The following MAP3K13 variants were observed in gnomAD, a reference collection of about 807,000 sequenced individuals.
MAP3K13 encodes the protein mitogen-activated protein kinase kinase kinase 13, also known as leucine zipper-bearing kinase.
Under a neutral mutation model 104.0 loss-of-function variants are expected in MAP3K13, and 52 were observed. The observed-to-expected ratio is 0.50, with a 90% CI of 0.40 to 0.63. The LOEUF (loss-of-function observed/expected upper bound fraction) is 0.63. Ranked by LOEUF, MAP3K13 falls within the 20% of genes least tolerant of loss-of-function variation. The probability of loss-of-function intolerance (pLI) is 0.00; values close to 1 mark genes in which losing one functional copy is unlikely to be tolerated. For missense variants in MAP3K13, 914 were observed against 1,218.5 expected, an observed-to-expected ratio of 0.75 and a Z score of 3.72; for synonymous variants, 394 against 442.2, an observed-to-expected ratio of 0.89 and a Z score of 1.37.
upstream of MAP3K13, among the ~76,000 whole-genome samples, chr3:185,362,681 C>T (rs1432914373): frequency 6.6e-6 from 1 of 152,078 alleles, no homozygotes; most frequent in Non-Finnish European, 1.5e-5. Flanking sequence ...TTTTACAAGT[C>T]GTGGTGAGCA....
At position 185,423,552 on chromosome 3, in the gene MAP3K13, A is replaced by G. The variant is rs1416832478; in HGVS notation, c.-85-4945A>G. Among the ~76,000 whole-genome samples, 3 of 152,174 alleles carry G rather than the reference A, an allele frequency of 2.0e-5. No individual in the cohort carries two copies. The highest frequency in any genetic ancestry group is 4.4e-5 in the Non-Finnish European group (3 of 68,028). The stretch of plus-strand genomic sequence containing the variant: ...AAAAGAACAGGGGAGGGGAGGCTGG[A>G]GTGGGTGGAATGGTGTCTGTAACAA... On this transcript the variant is annotated intron_variant, in intron 1 of 13. Transcript: ENST00000265026. The surrounding 1 kb of genome is among the most constrained non-coding windows in gnomAD (Gnocchi z 4.1).
Position 185,455,309 on chromosome 3 carries a change from AGATATATATGAGATATATAT to A in MAP3K13, c.1278+3944_1278+3963del, listed in dbSNP as rs1560119064. Among the ~76,000 whole-genome samples the A allele has an allele frequency of 1.7e-4, 19 of 111,362 alleles. 5 individuals are homozygous for A. The highest frequency in any genetic ancestry group is 4.6e-4 in the African/African-American group (14 of 30,694). The allele number at this position is 111,362 out of a possible 152,430, so 73.1% of individuals were successfully genotyped here. ...GAGATATATATATGAGATATATATG[AGATATATATGAGATATATAT>A]GATATATATGAGATATATATGATAT... is the stretch of plus-strand genomic sequence containing the variant. On this transcript the variant is annotated intron_variant, in intron 7 of 13. Coordinates refer to ENST00000265026, the MANE Select transcript of MAP3K13 (RefSeq NM_004721.5).
chr3:185,423,352 G>A lies in MAP3K13; in HGVS notation c.-85-5145G>A, dbSNP rs1714242518. On this transcript the variant is annotated intron_variant, in intron 1 of 13. Transcript: ENST00000265026. This position sits in a 1 kb window ranked among gnomAD's most constrained non-coding sequence, Gnocchi z 4.1. ...TCCTGGCAGCCAAGGCAGACCGGAAGTAACTGCTGAGTCACTGGCTAGGTC... is the reference window on the plus strand; with the variant it reads ...TCCTGGCAGCCAAGGCAGACCGGAAATAACTGCTGAGTCACTGGCTAGGTC... 6.6e-6 allele frequency among the ~76,000 whole-genome samples: 1 copy of A among 152,196 alleles called. No homozygotes were observed. The highest frequency in any genetic ancestry group is 2.4e-5 in the African/African-American group (1 of 41,448).
chr3:185,389,259 C>G (rs1711890768), intron 1 of MAP3K13, among the ~76,000 whole-genome samples: 1 of 152,130 alleles, frequency 6.6e-6, no homozygotes, highest in African/African-American at 2.4e-5. Flanking sequence ...AAAGGGGTTA[C>G]AAGTTTGGCC....
At chr3:185,356,130 AC>A (rs1723341651) in intron 2 of MAP3K13, among the ~76,000 whole-genome samples, 1 of 152,182 alleles carries the variant, frequency 6.6e-6, no homozygotes, top group Admixed American at 6.5e-5. Context: ...AAAATGTCGA[AC>A]TTTTGATGGT....
Position 185,403,536 on chromosome 3 carries a change from T to C in MAP3K13, c.-85-24961T>C, listed in dbSNP as rs528894569. ...AATTCAAAAAGATATGGTGAGGTGATGGATATGCTAATTAACTTGATTGTG... is the reference window on the plus strand; with the variant it reads ...AATTCAAAAAGATATGGTGAGGTGACGGATATGCTAATTAACTTGATTGTG... On this transcript the variant is annotated intron_variant, in intron 1 of 13. Transcript: ENST00000265026. 6.6e-5 allele frequency among the ~76,000 whole-genome samples: 10 copies of C among 152,358 alleles called. 1 individual carries two copies. The South Asian group carries it at 1.9e-3, about 28-fold the overall frequency.
In MAP3K13 at chr3:185,315,080, G is replaced by A. The variant is rs1175555090; in HGVS notation, c.-86+29437G>A. Among the ~76,000 whole-genome samples the A allele has an allele frequency of 6.6e-6, 1 of 152,054 alleles. No homozygotes were observed. Among genetic ancestry groups the A allele is most frequent in the Admixed American group, 6.6e-5 (1 of 15,256 alleles). On this transcript the variant is annotated intron_variant, in intron 2 of 14. Coordinates refer to the MAP3K13 transcript ENST00000424227. The surrounding 1 kb of genome is among the most constrained non-coding windows in gnomAD (Gnocchi z 4.3). ...AGCCTGACCAACAAGGTGAAACCCA[G>A]TCTCTAAGAATACAAAAAAATTAGC...
At position 185,442,822 on chromosome 3, in the gene MAP3K13, C is replaced by T. The variant is rs575693138; in HGVS notation, c.660-623C>T. ...TGTTGGGATTACAAGCGTGAGCCAC[C>T]GCGGCCTGGCCAAATTATTATTATT... On this transcript the variant is annotated intron_variant, in intron 3 of 13. Coordinates refer to ENST00000265026, the MANE Select transcript of MAP3K13 (RefSeq NM_004721.5). Among the ~76,000 whole-genome samples, 16 of 151,794 alleles carry T rather than the reference C, an allele frequency of 1.1e-4. No homozygotes were observed. In the South Asian group the frequency reaches 2.3e-3, roughly 22 times the overall value.
chr3:185,305,061 A>T (rs1273188807), intron 2 of MAP3K13, among the ~76,000 whole-genome samples: 2 of 152,192 alleles, frequency 1.3e-5, no homozygotes, highest in Admixed American at 6.5e-5. Flanking sequence ...TTTCTTTAAA[A>T]TCCATTTTCT....
intron 2 of MAP3K13, among the ~76,000 whole-genome samples, chr3:185,310,860 A>G (rs1251179480): frequency 6.6e-6 from 1 of 152,180 alleles, no homozygotes; most frequent in Admixed American, 6.6e-5. Context: ...TTCTTTGTTC[A>G]ATTCTGTATT....
intron 1 of MAP3K13, chr3:185,285,463 T>A (rs1720475564): frequency 1.9e-6 from 1 of 530,530 alleles, no homozygotes; most frequent in African/African-American, 1.9e-5. Flanking sequence ...TCATAATGAG[T>A]TGGTATCTCA....
intron 2 of MAP3K13, among the ~76,000 whole-genome samples, chr3:185,339,757 G>A (rs1722648615): frequency 6.6e-6 from 1 of 152,232 alleles, no homozygotes; most frequent in African/African-American, 2.4e-5. Context: ...TAAGCAGCCA[G>A]CTGGATTTGG....
intron 2 of MAP3K13, among the ~76,000 whole-genome samples, chr3:185,320,542 T>C (rs1721818553): frequency 6.6e-6 from 1 of 152,190 alleles, no homozygotes; most frequent in South Asian, 2.1e-4. Context: ...GACATCAGAC[T>C]AGATGATTGA....
intron 1 of MAP3K13, among the ~76,000 whole-genome samples, chr3:185,378,346 G>C (rs940877530): frequency 7.9e-5 from 12 of 152,122 alleles, no homozygotes; most frequent in African/African-American, 2.7e-4. Flanking sequence ...GCCATGAACT[G>C]GGCTGGGTTT....
At chr3:185,378,314 T>C (rs1416863548) in intron 1 of MAP3K13, among the ~76,000 whole-genome samples, 1 of 152,174 alleles carries the variant, frequency 6.6e-6, no homozygotes, top group Admixed American at 6.5e-5. Flanking sequence ...CTATAAAGCA[T>C]CTCAGGGTTG....
At chr3:185,401,756 A>T (rs1560087333) in intron 1 of MAP3K13, among the ~76,000 whole-genome samples, 1 of 152,230 alleles carries the variant, frequency 6.6e-6, no homozygotes, top group East Asian at 1.9e-4. Context: ...AAATATAAAC[A>T]ACCACATGGT....
At chr3:185,455,563 A>ATATATATGATATATATATCATATATAT (rs1217413167) in intron 7 of MAP3K13, among the ~76,000 whole-genome samples, 1 of 18,356 alleles carries the variant, frequency 5.4e-5, no homozygotes, top group Non-Finnish European at 1.3e-4. Context: ...GATATATATG[A>ATATATATGATATATATATCATATATAT]GATATATATG....
intron 1 of MAP3K13, among the ~76,000 whole-genome samples, chr3:185,381,953 G>A (rs1205278366): frequency 6.6e-6 from 1 of 152,186 alleles, no homozygotes; most frequent in Non-Finnish European, 1.5e-5. Context: ...TTTATAGAAT[G>A]TAGCTATTAT....
chr3:185,403,576 G>A (rs1488445650), intron 1 of MAP3K13, among the ~76,000 whole-genome samples: 1 of 152,118 alleles, frequency 6.6e-6, no homozygotes, highest in Non-Finnish European at 1.5e-5. Flanking sequence ...TCATCACAAT[G>A]TACATATATC....
Sources: allele counts gnomAD v4.1 joint callset (sites outside exome capture counted in the v4.1 genomes callset), GRCh38; gene constraint gnomAD v4.1.1; non-coding constraint Gnocchi (gnomAD v3.1); transcripts MANE v1.5; gene names NCBI Gene and HGNC (gene_info 2026-07-23, HGNC 2026-07-21).